Variants in KCNK12 observed in about 807,000 individuals in gnomAD.
KCNK12 encodes the protein potassium two pore domain channel subfamily K member 12, also known as potassium channel subfamily K member 12.
Under a neutral mutation model 25.3 loss-of-function variants are expected in KCNK12, and 6 were observed. That is an observed-to-expected ratio of 0.24 (90% CI 0.13 to 0.47). KCNK12 has a LOEUF of 0.47. Ranked by LOEUF, KCNK12 falls within the 20% of genes least tolerant of loss-of-function variation. The pLI, the probability that KCNK12 is intolerant of heterozygous loss-of-function variation, is 0.99. For missense variants in KCNK12, 444 were observed against 661.7 expected, an observed-to-expected ratio of 0.67 and a Z score of 3.61; for synonymous variants, 331 against 311.1, an observed-to-expected ratio of 1.06 and a Z score of -0.67.
chr2:47,513,838 C>A lies in KCNK12; in HGVS notation c.*7069G>T, dbSNP rs540494155. Among the ~76,000 whole-genome samples the A allele has an allele frequency of 5.9e-5, 9 of 152,206 alleles. No homozygotes were observed. The South Asian group carries it at 1.7e-3, about 28-fold the overall frequency. ...CAGGCAAATCATTGATTCTGTGGACCTACTCTTTCGGGTGTCCCTCAAATC... is the reference window on the plus strand; with the variant it reads ...CAGGCAAATCATTGATTCTGTGGACATACTCTTTCGGGTGTCCCTCAAATC... On this transcript the variant is annotated 3_prime_UTR_variant, in exon 2 of 2. Transcript: ENST00000327876.
chr2:47,522,602 A>G (rs952446559), intron 1 of KCNK12, among the ~76,000 whole-genome samples: 5 of 152,212 alleles, frequency 3.3e-5, no homozygotes, highest in South Asian at 2.1e-4. Context: ...CAGCCTCCCA[A>G]GTGATAGGAC....
chr2:47,554,377 C>T (rs1385810900), intron 1 of KCNK12, among the ~76,000 whole-genome samples: 1 of 152,132 alleles, frequency 6.6e-6, no homozygotes, highest in African/African-American at 2.4e-5. Flanking sequence ...GGGGACACTA[C>T]TGTAATCAGG....
chr2:47,554,358 G>C (rs988870877), intron 1 of KCNK12, among the ~76,000 whole-genome samples: 6 of 152,208 alleles, frequency 3.9e-5, no homozygotes, highest in African/African-American at 1.4e-4. Context: ...CAGTGACTAG[G>C]GGTTAGTGGG....
chr2:47,548,939 G>A lies in KCNK12; in HGVS notation c.391+21002C>T, dbSNP rs1669368448. 6.6e-6 allele frequency among the ~76,000 whole-genome samples: 1 copy of A among 152,170 alleles called. No individual in the cohort carries two copies. Among genetic ancestry groups the A allele is most frequent in the Non-Finnish European group, 1.5e-5 (1 of 68,020 alleles). ...ACTGCTGTAACTACTGTGGAGCACTGGAGAGGAAGGAACCATCAAGAAAAA... is the reference window on the plus strand; with the variant it reads ...ACTGCTGTAACTACTGTGGAGCACTAGAGAGGAAGGAACCATCAAGAAAAA... On this transcript the variant is annotated intron_variant, in intron 1 of 1. Transcript: ENST00000327876. This position sits in a 1 kb window ranked among gnomAD's most constrained non-coding sequence, Gnocchi z 4.4.
chr2:47,561,650 G>T (rs1033987919), intron 1 of KCNK12, among the ~76,000 whole-genome samples: 1 of 152,310 alleles, frequency 6.6e-6, no homozygotes, highest in South Asian at 2.1e-4. Context: ...GCTACTCATG[G>T]TTACCAGGCA....
At position 47,570,339 on chromosome 2, in the gene KCNK12, A is replaced by C; in HGVS notation, c.-8T>G. 1 of 1,252,210 alleles carries C rather than the reference A, an allele frequency of 8.0e-7. No individual in the cohort carries two copies. Among genetic ancestry groups the C allele is most frequent in the South Asian group, 2.9e-5 (1 of 34,434 alleles). The allele number at this position is 1,252,210 out of a possible 1,614,324, so 77.6% of individuals were successfully genotyped here. ...GGGGCTGCGGGAGGACATGGTCCGG[A>C]GCTCAGCCCCGGGGCCGGGGCGGCG... On this transcript the variant is annotated 5_prime_UTR_variant, in exon 1 of 2. Coordinates refer to ENST00000327876, the MANE Select transcript of KCNK12 (RefSeq NM_022055.2).
At chr2:47,545,705 C>T (rs948149048) in intron 1 of KCNK12, among the ~76,000 whole-genome samples, 2 of 152,208 alleles carry the variant, frequency 1.3e-5, no homozygotes. Context: ...GAGCTGTGCT[C>T]ACCTCCACAG....
chr2:47,513,636 C>T lies in KCNK12; in HGVS notation c.*7271G>A, dbSNP rs1668456482. On this transcript the variant is annotated 3_prime_UTR_variant, in exon 2 of 2. Coordinates refer to ENST00000327876, the MANE Select transcript of KCNK12 (RefSeq NM_022055.2). ...GCCAATTGCTTGGTGGGAACCCCTC[C>T]CCCATGGTTATCTCATGGGTCCCTG... 6.6e-6 allele frequency among the ~76,000 whole-genome samples: 1 copy of T among 152,066 alleles called. No homozygotes were observed.
Position 47,562,944 on chromosome 2 carries a change from C to T in KCNK12, c.391+6997G>A, listed in dbSNP as rs577470451. The T allele has an allele frequency of 1.3e-5, 3 of 233,418 alleles. No homozygotes were observed. Among genetic ancestry groups the T allele is most frequent in the East Asian group, 1.2e-4 (2 of 16,612 alleles). The allele number at this position is 233,418 out of a possible 1,614,324, so 14.5% of individuals were successfully genotyped here. A position where few individuals can be genotyped will look rare whatever the true frequency, so the allele number is the denominator to read the frequency against. ...TGGCCCCATGCAGAGCCCCCGACCC[C>T]GGAAAGTCAGTGGAACTGGACGGAA... On this transcript the variant is annotated intron_variant, in intron 1 of 1. Transcript: ENST00000327876. This position sits in a 1 kb window ranked among gnomAD's most constrained non-coding sequence, Gnocchi z 4.8.
Position 47,570,704 on chromosome 2 carries a change from T to G in KCNK12, c.-373A>C. On this transcript the variant is annotated 5_prime_UTR_variant, in exon 1 of 2. Transcript: ENST00000327876. ...CGCGGGGCCCCGGGCCTCATACTCC[T>G]CTCCAGACAGGCCGCGGGCTGCGGG... 6.5e-6 allele frequency: 1 copy of G among 153,374 alleles called. No homozygotes were observed. The highest frequency in any genetic ancestry group is 1.4e-5 in the Non-Finnish European group (1 of 69,196). The allele number at this position is 153,374 out of a possible 1,614,324, so 9.5% of individuals were successfully genotyped here.
At position 47,510,998 on chromosome 2, in the gene KCNK12, C is replaced by G. The variant is rs1210682176; in HGVS notation, c.*9909G>C. On this transcript the variant is annotated 3_prime_UTR_variant, in exon 2 of 2. Coordinates refer to ENST00000327876, the MANE Select transcript of KCNK12 (RefSeq NM_022055.2). The stretch of plus-strand genomic sequence containing the variant: ...TTCTATAGTTGGCAACCAACATGTC[C>G]TAGCTCCTAGACCATAGAGGGCCAG... 2 of 152,206 alleles carry G rather than the reference C, an allele frequency of 1.3e-5. No homozygotes were observed. The highest frequency in any genetic ancestry group is 6.5e-5 in the Admixed American group (1 of 15,286). The allele number at this position is 152,206 out of a possible 1,614,324, so 9.4% of individuals were successfully genotyped here.
At position 47,525,830 on chromosome 2, in the gene KCNK12, C is replaced by T. The variant is rs1668757648; in HGVS notation, c.392-4022G>A. The stretch of plus-strand genomic sequence containing the variant: ...GGTCCCTGTGCAGGGCTCCCAAGGA[C>T]CCATAAATAGATGCCGTGAAAGCAC... On this transcript the variant is annotated intron_variant, in intron 1 of 1. Coordinates refer to ENST00000327876, the MANE Select transcript of KCNK12 (RefSeq NM_022055.2). The surrounding 1 kb of genome is among the most constrained non-coding windows in gnomAD (Gnocchi z 4.1). Among the ~76,000 whole-genome samples the T allele has an allele frequency of 6.6e-6, 1 of 152,040 alleles. No individual in the cohort carries two copies. Among genetic ancestry groups the T allele is most frequent in the Non-Finnish European group, 1.5e-5 (1 of 68,008 alleles).
At position 47,521,173 on chromosome 2, in the gene KCNK12, G is replaced by A; in HGVS notation, c.1027C>T (p.Arg343Cys). The A allele has an allele frequency of 1.8e-5, 23 of 1,299,062 alleles. No homozygotes were observed. Among genetic ancestry groups the A allele is most frequent in the Non-Finnish European group, 2.2e-5 (23 of 1,026,880 alleles). 80.5% of individuals were successfully genotyped at this position (1,299,062 alleles called of 1,614,324 possible). A position where few individuals can be genotyped will look rare whatever the true frequency, so the allele number is the denominator to read the frequency against. The part of the protein sequence containing the change: ...NAITPGSRLR[R>C]RLAALGADPA... The stretch of plus-strand genomic sequence containing the variant: ...TCGGCACCGAGCGCGGCCAGGCGGC[G>A]GCGCAGCCGGGAGCCTGGGGTGATG... Residue 343 changes from arginine to cysteine, a missense_variant, in exon 2 of 2, where the codon CGC (arginine) becomes TGC (cysteine). Physicochemically the swap from Arg to Cys is radical, Grantham distance 180. Around this residue, in one of 8 missense-constraint regions of KCNK12, gnomAD observed 69 missense variants for 81.7 expected, o/e 0.84. Coordinates refer to ENST00000327876, the MANE Select transcript of KCNK12 (RefSeq NM_022055.2).
chr2:47,538,250 C>G lies in KCNK12; in HGVS notation c.392-16442G>C, dbSNP rs1669117562. Among the ~76,000 whole-genome samples, 1 of 152,074 alleles carries G rather than the reference C, an allele frequency of 6.6e-6. No homozygotes were observed. The highest frequency in any genetic ancestry group is 1.5e-5 in the Non-Finnish European group (1 of 68,022). ...TAATAAACTACAAACAATTACGTGG[C>G]CTGTGAGAAAGTGGCAAGTACTACA... On this transcript the variant is annotated intron_variant, in intron 1 of 1. Transcript: ENST00000327876. The surrounding 1 kb of genome is among the most constrained non-coding windows in gnomAD (Gnocchi z 4.5).
rs1019246926 is a variant in KCNK12 at position 47,566,993 on chromosome 2, T to C, written c.391+2948A>G. 2.0e-5 allele frequency: 3 copies of C among 152,244 alleles called. No homozygotes were observed. The highest frequency in any genetic ancestry group is 7.2e-5 in the African/African-American group (3 of 41,476). The allele number at this position is 152,244 out of a possible 1,614,324, so 9.4% of individuals were successfully genotyped here. ...TGATCCAGCTGCCCATGTTGGAATATGCCTTAATCTCTGCCATGCAGAGTA... is the reference window on the plus strand; with the variant it reads ...TGATCCAGCTGCCCATGTTGGAATACGCCTTAATCTCTGCCATGCAGAGTA... On this transcript the variant is annotated intron_variant, in intron 1 of 1. Coordinates refer to ENST00000327876, the MANE Select transcript of KCNK12 (RefSeq NM_022055.2). This position sits in a 1 kb window ranked among gnomAD's most constrained non-coding sequence, Gnocchi z 4.1.
rs915204249 is a variant in KCNK12, at chr2:47,525,524, G to A, written c.392-3716C>T. ...TCTGGGTGGGAGGCTGACTGGGGCA[G>A]CCCCCACAGGCAGGGGAGGAAGAGG... is the stretch of plus-strand genomic sequence containing the variant. On this transcript the variant is annotated intron_variant, in intron 1 of 1. Transcript: ENST00000327876. This position sits in a 1 kb window ranked among gnomAD's most constrained non-coding sequence, Gnocchi z 4.1. Among the ~76,000 whole-genome samples the A allele has an allele frequency of 6.6e-6, 1 of 152,220 alleles. No homozygotes were observed. Among genetic ancestry groups the A allele is most frequent in the Non-Finnish European group, 1.5e-5 (1 of 68,028 alleles).
At position 47,556,209 on chromosome 2, in the gene KCNK12, G is replaced by A. The variant is rs1356143337; in HGVS notation, c.391+13732C>T. On this transcript the variant is annotated intron_variant, in intron 1 of 1. Transcript: ENST00000327876. The surrounding 1 kb of genome is among the most constrained non-coding windows in gnomAD (Gnocchi z 4.8). ...TACCGATGGAGTATAAATTAACAATGCATGGGGAGTGGGTAATGACAGGAA... is the reference window on the plus strand; with the variant it reads ...TACCGATGGAGTATAAATTAACAATACATGGGGAGTGGGTAATGACAGGAA... Among the ~76,000 whole-genome samples, 1 of 152,204 alleles carries A rather than the reference G, an allele frequency of 6.6e-6. No homozygotes were observed. Among genetic ancestry groups the A allele is most frequent in the Non-Finnish European group, 1.5e-5 (1 of 68,046 alleles).
chr2:47,528,853 C>A lies in KCNK12; in HGVS notation c.392-7045G>T, dbSNP rs1035005682. On this transcript the variant is annotated intron_variant, in intron 1 of 1. Coordinates refer to ENST00000327876, the MANE Select transcript of KCNK12 (RefSeq NM_022055.2). This position sits in a 1 kb window ranked among gnomAD's most constrained non-coding sequence, Gnocchi z 4.5. ...TGGAAGTGAGATGGAGAGGCCAGCA[C>A]TGATCTGTATCGTGCAGCCCTGGGC... is the stretch of plus-strand genomic sequence containing the variant. 6.6e-6 allele frequency among the ~76,000 whole-genome samples: 1 copy of A among 152,192 alleles called. No individual in the cohort carries two copies. Among genetic ancestry groups the A allele is most frequent in the African/African-American group, 2.4e-5 (1 of 41,442 alleles).
chr2:47,528,132 A>G lies in KCNK12; in HGVS notation c.392-6324T>C, dbSNP rs1042334987. On this transcript the variant is annotated intron_variant, in intron 1 of 1. Coordinates refer to ENST00000327876, the MANE Select transcript of KCNK12 (RefSeq NM_022055.2). The surrounding 1 kb of genome is among the most constrained non-coding windows in gnomAD (Gnocchi z 4.5). ...TAGCTAGGGAGTGCTGCAGGCCCCA[A>G]ATGATGCTAAATACTAGACTAGCTG... 6.6e-6 allele frequency among the ~76,000 whole-genome samples: 1 copy of G among 152,186 alleles called. No individual in the cohort carries two copies. The highest frequency in any genetic ancestry group is 6.5e-5 in the Admixed American group (1 of 15,276).
Sources: gnomAD v4.1 joint callset for allele counts (sites outside exome capture counted in the v4.1 genomes callset) on GRCh38, gnomAD v4.1.1 for gene constraint, gnomAD v4.1.1 regional missense constraint, Gnocchi (gnomAD v3.1) non-coding constraint, MANE v1.5 for transcripts, NCBI Gene and HGNC (gene_info 2026-07-23, HGNC 2026-07-21) for gene names.